The following PDCD6 variants were observed in gnomAD, a reference collection of about 807,000 sequenced individuals.
PDCD6 encodes the protein programmed cell death 6.
In PDCD6, 12 loss-of-function variants were observed where a neutral mutation model predicts 28.3. That is an observed-to-expected ratio of 0.42 (90% CI 0.27 to 0.69). The LOEUF is 0.69. Ranked by LOEUF, PDCD6 falls within the 30% of genes least tolerant of loss-of-function variation. The pLI is 0.22. For synonymous variants in PDCD6, 92 were observed against 108.0 expected, an observed-to-expected ratio of 0.85 and a Z score of 0.92; for missense variants, 226 against 269.9, an observed-to-expected ratio of 0.84 and a Z score of 1.14.
chr5:277,036 G>T, intron 2 of PDCD6: 1 of 768,984 alleles, frequency 1.3e-6, no homozygotes, highest in South Asian at 5.9e-5. Flanking sequence ...TCTGAAGTAG[G>T]TTTGCCTTAA....
chr5:277,808 G>C (rs927499606), intron 2 of PDCD6, among the ~76,000 whole-genome samples: 1 of 151,658 alleles, frequency 6.6e-6, no homozygotes, highest in East Asian at 1.9e-4. Context: ...CCAGCTACTC[G>C]GGAGGCTGAG....
rs371582487 is a variant in PDCD6 at position 271,837 on chromosome 5, G to T, written c.101+16G>T. ...TTTTCCAGAGGTGCGGCCTGGCACC[G>T]CCCGGGCACCTCCCGCCTCCGCCGC... On this transcript the variant is annotated intron_variant, in intron 1 of 5. Transcript: ENST00000264933. The T allele has an allele frequency of 5.9e-6, 8 of 1,346,120 alleles. No individual in the cohort carries two copies. In the African/African-American group the frequency reaches 1.1e-4, roughly 18 times the overall value. 83.4% of individuals were successfully genotyped at this position (1,346,120 alleles called of 1,614,324 possible). A position where few individuals can be genotyped will look rare whatever the true frequency, so the allele number is the denominator to read the frequency against.
chr5:299,761 G>A (rs534637145), intron 2 of PDCD6, among the ~76,000 whole-genome samples: 4 of 152,176 alleles, frequency 2.6e-5, no homozygotes, highest in African/African-American at 9.6e-5. Flanking sequence ...ATATTAGCCA[G>A]GATGGTCTCG....
intron 3 of PDCD6, 200 bp downstream of exon 3, chr5:304,421 G>C: frequency 1.5e-6 from 1 of 655,952 alleles, no homozygotes; most frequent in Non-Finnish European, 2.4e-6. Context: ...CTCTATTCTT[G>C]ATTCTGTTTA....
At chr5:287,697 A>G (rs2126713327) in intron 2 of PDCD6, among the ~76,000 whole-genome samples, 1 of 152,340 alleles carries the variant, frequency 6.6e-6, no homozygotes, top group East Asian at 1.9e-4. Flanking sequence ...GTTCAAAAAT[A>G]TTTAATTCAC....
At position 278,397 on chromosome 5, in the gene PDCD6, G is replaced by T. The variant is rs1738340446; in HGVS notation, c.163+5625G>T. ...TACACGTGTCCTTAGTATATTAGAA[G>T]ATTCCAAGTACTGTAGAGAAAAATA... On this transcript the variant is annotated intron_variant, in intron 2 of 5. Coordinates refer to ENST00000264933, the MANE Select transcript of PDCD6 (RefSeq NM_013232.4). Among the ~76,000 whole-genome samples the T allele has an allele frequency of 2.0e-5, 3 of 152,022 alleles. No homozygotes were observed. The South Asian group carries it at 6.2e-4, about 32-fold the overall frequency.
At chr5:296,058 C>T (rs145750983) in intron 2 of PDCD6, among the ~76,000 whole-genome samples, 1,695 of 152,188 alleles carry the variant, frequency 0.011, 19 homozygotes, top group Middle Eastern at 0.027. Context: ...AGTCTCTCTT[C>T]CTTCACACTA....
At chr5:278,546 CAA>C (rs567758415) in intron 2 of PDCD6, among the ~76,000 whole-genome samples, 140 of 124,794 alleles carry the variant, frequency 1.1e-3, no homozygotes, top group African/African-American at 3.4e-3. Context: ...CTGTCTCTCC[CAA>C]AAAAAAAAAA....
At chr5:280,968 A>G (rs1384371055) in intron 2 of PDCD6, among the ~76,000 whole-genome samples, 1 of 152,260 alleles carries the variant, frequency 6.6e-6, no homozygotes, top group Non-Finnish European at 1.5e-5. Context: ...ATTAATGTGT[A>G]TTCTGGGAAT....
intron 2 of PDCD6, among the ~76,000 whole-genome samples, chr5:302,240 T>G (rs1740124094): frequency 8.2e-6 from 1 of 122,664 alleles, no homozygotes; most frequent in Non-Finnish European, 1.7e-5. Context: ...GCACCTGCCT[T>G]TGTGGTAAGA....
intron 2 of PDCD6, among the ~76,000 whole-genome samples, chr5:288,604 A>AAAAG (rs57307144): frequency 6.6e-5 from 10 of 151,226 alleles, no homozygotes; most frequent in East Asian, 3.9e-4. Context: ...TGCCCAGACC[A>AAAAG]AAAGAAAGAA....
intron 2 of PDCD6, chr5:276,626 G>C (rs1449952015): frequency 1.0e-6 from 1 of 980,990 alleles, no homozygotes; most frequent in African/African-American, 1.8e-5. Flanking sequence ...TGTGCTCCCA[G>C]ATTGGGCTTC....
chr5:302,995 G>A lies in PDCD6; in HGVS notation c.164-1182G>A, dbSNP rs2721005. Among the ~76,000 whole-genome samples the A allele has an allele frequency of 1.3e-3, 203 of 152,330 alleles. 1 individual carries two copies. The highest frequency in any genetic ancestry group is 4.7e-3 in the African/African-American group (195 of 41,552). The stretch of plus-strand genomic sequence containing the variant: ...CCAAGGGGAAGTTGGGAGGTGCTCA[G>A]GCGGAGCAAATGGATTTAACTTCTG... On this transcript the variant is annotated intron_variant, in intron 2 of 5. Transcript: ENST00000264933.
At chr5:308,344 A>G (rs1740662754) in intron 4 of PDCD6, 1 of 152,244 alleles carries the variant, frequency 6.6e-6, no homozygotes, top group Non-Finnish European at 1.5e-5. Flanking sequence ...AGGACTTCCC[A>G]GAAAACTGTG....
chr5:302,107 T>TGTGTGC lies in PDCD6; in HGVS notation c.164-2069_164-2068insTGTGCG, dbSNP rs113802406. On this transcript the variant is annotated intron_variant, in intron 2 of 5. Coordinates refer to ENST00000264933, the MANE Select transcript of PDCD6 (RefSeq NM_013232.4). ...GTGTGTGTGTGTGTGTGTGTGTGTG[T>TGTGTGC]GCCTTGGGTTCAGGTGCACCTGCCT... 1.3e-3 allele frequency among the ~76,000 whole-genome samples: 141 copies of TGTGTGC among 111,680 alleles called. 2 individuals are homozygous for TGTGTGC. The highest frequency in any genetic ancestry group is 1.9e-3 in the Non-Finnish European group (108 of 56,338). 73.3% of individuals were successfully genotyped at this position (111,680 alleles called of 152,430 possible). A position where few individuals can be genotyped will look rare whatever the true frequency, so the allele number is the denominator to read the frequency against.
rs772846590 is a variant in PDCD6 at position 311,332 on chromosome 5, G to A, written c.407G>A (p.Arg136Gln). 21 of 1,613,926 alleles carry A rather than the reference G, an allele frequency of 1.3e-5. No homozygotes were observed. The highest frequency in any genetic ancestry group is 1.1e-4 in the East Asian group (5 of 44,888). Residue 136 changes from arginine to glutamine, a missense_variant, in exon 5 of 6, where the codon CGA (arginine) becomes CAA (glutamine). Coordinates refer to ENST00000264933, the MANE Select transcript of PDCD6 (RefSeq NM_013232.4). ...GACCAGTTCCACGACATCCTCATTC[G>A]AAAGTTTGACAGGCAGGGACGGGGG... ...LSDQFHDILI[R>Q]KFDRQGRGQI...
rs909926533 is a variant in PDCD6 at position 281,213 on chromosome 5, A to G, written c.163+8441A>G. The stretch of plus-strand genomic sequence containing the variant: ...AAAGAGACATCGATTTGAAAACAAA[A>G]CATTTATTCATTTACTTCTGCTGCA... On this transcript the variant is annotated intron_variant, in intron 2 of 5. Coordinates refer to ENST00000264933, the MANE Select transcript of PDCD6 (RefSeq NM_013232.4). Among the ~76,000 whole-genome samples, 9 of 152,266 alleles carry G rather than the reference A, an allele frequency of 5.9e-5. No homozygotes were observed. The South Asian group carries it at 1.7e-3, about 28-fold the overall frequency.
intron 2 of PDCD6, among the ~76,000 whole-genome samples, chr5:277,301 ATTTTTTTT>A (rs74799424): frequency 1.2e-5 from 1 of 86,204 alleles, no homozygotes; most frequent in South Asian, 3.9e-4. Flanking sequence ...AATTTTTTGT[ATTTTTTTT>A]TTTTTTTTTT....
chr5:273,532 G>T (rs1349303222), intron 2 of PDCD6, among the ~76,000 whole-genome samples: 1 of 152,162 alleles, frequency 6.6e-6, no homozygotes, highest in Non-Finnish European at 1.5e-5. Context: ...TGCTTTTCCA[G>T]ATCCGTGCCA....
Sources: gnomAD v4.1 joint callset for allele counts (sites outside exome capture counted in the v4.1 genomes callset) on GRCh38, gnomAD v4.1.1 for gene constraint, MANE v1.5 for transcripts, NCBI Gene and HGNC (gene_info 2026-07-23, HGNC 2026-07-21) for gene names.